The following NRXN1 variants were observed in gnomAD, a reference collection of about 807,000 sequenced individuals.
NRXN1 encodes neurexin 1.
A neutral mutation model predicts 150.9 loss-of-function variants in NRXN1; 39 were observed. The observed-to-expected ratio is 0.26, with a 90% CI of 0.20 to 0.34. NRXN1 has a LOEUF of 0.34. Among genes scored for constraint, NRXN1 ranks in the 10% least tolerant of loss-of-function variants. The pLI is 1.00. For missense variants in NRXN1, 1,815 were observed against 1,949.9 expected (o/e 0.93, Z 1.30); for synonymous variants, 924 against 757.0 (o/e 1.22, Z -3.62).
intron 18 of NRXN1, among the ~76,000 whole-genome samples, chr2:50,182,894 G>C (rs937069521): frequency 3.3e-5 from 5 of 152,012 alleles, no homozygotes; most frequent in Admixed American, 3.3e-4. Context: ...AGTAAATATA[G>C]TAATTAGAGC....
At chr2:50,722,529 C>T (rs1696807128) in intron 5 of NRXN1, among the ~76,000 whole-genome samples, 2 of 151,858 alleles carry the variant, frequency 1.3e-5, no homozygotes, top group Admixed American at 1.3e-4. Context: ...GACAAGCAGG[C>T]TGTAAAATAA....
intron 5 of NRXN1, among the ~76,000 whole-genome samples, chr2:50,894,891 C>A (rs1681684449): frequency 6.6e-6 from 1 of 152,038 alleles, no homozygotes; most frequent in African/African-American, 2.4e-5. Context: ...TTTGACTAGG[C>A]AACAAAAATT....
intron 5 of NRXN1, among the ~76,000 whole-genome samples, chr2:50,864,676 G>T (rs934022274): frequency 1.3e-5 from 2 of 152,020 alleles, no homozygotes; most frequent in Non-Finnish European, 2.9e-5. Context: ...TTAAGATGCT[G>T]TGTGTACTGA....
At chr2:50,312,657 T>C (rs2075273815) in intron 17 of NRXN1, 2 of 479,380 alleles carry the variant, frequency 4.2e-6, no homozygotes, top group African/African-American at 3.9e-5. Flanking sequence ...AAGTAGGGGA[T>C]CTCAGACAGT....
intron 8 of NRXN1, among the ~76,000 whole-genome samples, chr2:50,594,554 G>A (rs1351404445): frequency 6.6e-6 from 1 of 152,152 alleles, no homozygotes; most frequent in East Asian, 1.9e-4. Flanking sequence ...TAGGCTAAGA[G>A]AGAGTCATTA....
intron 8 of NRXN1, among the ~76,000 whole-genome samples, chr2:50,570,887 G>A (rs1446650204): frequency 6.6e-6 from 1 of 152,104 alleles, no homozygotes; most frequent in Non-Finnish European, 1.5e-5. Context: ...TTGGATCAGG[G>A]AAAGGTGTGT....
At chr2:50,944,003 T>C (rs938409880) in intron 2 of NRXN1, among the ~76,000 whole-genome samples, 4 of 152,172 alleles carry the variant, frequency 2.6e-5, no homozygotes, top group African/African-American at 9.7e-5. Flanking sequence ...CCATCTTGCA[T>C]CTCTGATAAA....
chr2:50,562,104 T>C (rs1669179696), intron 8 of NRXN1, among the ~76,000 whole-genome samples: 1 of 152,158 alleles, frequency 6.6e-6, no homozygotes, highest in East Asian at 1.9e-4. Flanking sequence ...CAAGAAAATA[T>C]CTTTGAACTG....
At chr2:50,302,784 G>A (rs1378871648) in intron 17 of NRXN1, among the ~76,000 whole-genome samples, 3 of 151,802 alleles carry the variant, frequency 2.0e-5, no homozygotes, top group Non-Finnish European at 2.9e-5. Context: ...AGACATTTAG[G>A]GTATCCCTAC....
chr2:50,976,180 T>A (rs892578713), intron 2 of NRXN1, among the ~76,000 whole-genome samples: 6 of 150,112 alleles, frequency 4.0e-5, no homozygotes, highest in African/African-American at 1.5e-4. Context: ...TGCAATCAAT[T>A]ATTTTATGTT....
intron 17 of NRXN1, among the ~76,000 whole-genome samples, chr2:50,295,562 T>C (rs2073458385): frequency 6.6e-6 from 1 of 152,176 alleles, no homozygotes; most frequent in Admixed American, 6.5e-5. Context: ...CACTCCAATA[T>C]TGTTGAATTC....
intron 5 of NRXN1, among the ~76,000 whole-genome samples, chr2:50,758,751 T>C (rs1290473489): frequency 6.6e-6 from 1 of 151,942 alleles, no homozygotes; most frequent in Non-Finnish European, 1.5e-5. Context: ...ATCAACTTCA[T>C]GTCAGAAAGC....
intron 5 of NRXN1, among the ~76,000 whole-genome samples, chr2:50,713,349 C>T (rs1695444920): frequency 6.6e-6 from 1 of 151,684 alleles, no homozygotes; most frequent in South Asian, 2.1e-4. Context: ...CAATGGCTAG[C>T]CCTGGATCCA....
chr2:50,506,497 G>C lies in NRXN1; in HGVS notation c.2495C>G (p.Thr832Arg). 1 of 1,612,542 alleles carries C rather than the reference G, an allele frequency of 6.2e-7. No individual in the cohort carries two copies. The highest frequency in any genetic ancestry group is 8.5e-7 in the Non-Finnish European group (1 of 1,179,130). The change falls in exon 13 of 23, where the codon ACA (threonine) becomes AGA (arginine). Residue 832 changes from threonine (T) to arginine (R), a missense_variant and splice_region_variant. Transcript: ENST00000401669. ...KLTVDDQQAM[T>R]GQMAGDHTRL... is the part of the protein sequence containing the mutation. ...GACAATGGGACAGAGGTGTTTACCT[G>C]TCATGGCCTGTTGGTCATCCACTGT...
chr2:50,632,060 A>T (rs745371683), intron 5 of NRXN1, among the ~76,000 whole-genome samples: 1 of 151,992 alleles, frequency 6.6e-6, no homozygotes, highest in Non-Finnish European at 1.5e-5. Flanking sequence ...ATATTCAAGG[A>T]GATGTATAGG....
Position 49,921,578 on chromosome 2 carries a change from G to C in NRXN1, c.*366C>G, listed in dbSNP as rs929786071. Reference sequence around the variant, plus strand: ...CAGGATCATAGGTAGCTTCTTTTTTGTGTTATGTTTTGTGTTGGTTTTTGT... The same window carrying C: ...CAGGATCATAGGTAGCTTCTTTTTTCTGTTATGTTTTGTGTTGGTTTTTGT... On this transcript the variant is annotated 3_prime_UTR_variant, in exon 23 of 23. Transcript: ENST00000401669. The C allele has an allele frequency of 5.2e-6, 1 of 193,654 alleles. No individual in the cohort carries two copies. Among genetic ancestry groups the C allele is most frequent in the Admixed American group, 5.6e-5 (1 of 17,718 alleles). 12.0% of individuals were successfully genotyped at this position (193,654 alleles called of 1,614,324 possible). A position where few individuals can be genotyped will look rare whatever the true frequency, so the allele number is the denominator to read the frequency against.
chr2:50,562,525 A>G (rs1228291450), intron 8 of NRXN1, among the ~76,000 whole-genome samples: 1 of 152,106 alleles, frequency 6.6e-6, no homozygotes, highest in Admixed American at 6.5e-5. Context: ...TGGGATAACC[A>G]AACAATTTCA....
At chr2:50,106,499 T>C (rs1701665168) in intron 18 of NRXN1, among the ~76,000 whole-genome samples, 1 of 151,992 alleles carries the variant, frequency 6.6e-6, no homozygotes, top group Non-Finnish European at 1.5e-5. Flanking sequence ...TAATAACCTA[T>C]GATTAGTTCA....
intron 17 of NRXN1, among the ~76,000 whole-genome samples, chr2:50,274,088 G>A (rs2070081197): frequency 6.6e-6 from 1 of 152,090 alleles, no homozygotes; most frequent in Admixed American, 6.6e-5. Context: ...TATGTTTATT[G>A]CGACACTATT....
Sources: allele counts gnomAD v4.1 joint callset (sites outside exome capture counted in the v4.1 genomes callset), GRCh38; gene constraint gnomAD v4.1.1; transcripts MANE v1.5; gene names NCBI Gene and HGNC (gene_info 2026-07-23, HGNC 2026-07-21).